The following RGS5 variants were observed in gnomAD, a reference collection of about 807,000 sequenced individuals.
RGS5 encodes regulator of G-protein signalling 5.
A neutral mutation model predicts 18.9 loss-of-function variants in RGS5; 20 were observed. The ratio of observed to expected loss-of-function variants is 1.06; its 90% CI spans 0.74 to 1.54. The LOEUF is 1.54. RGS5 is among the 40% of genes most tolerant of loss of function. The pLI, the probability that RGS5 is intolerant of heterozygous loss-of-function variation, is 0.00. For synonymous variants in RGS5, 57 were observed against 76.2 expected (o/e 0.75, Z 1.31); for missense variants, 201 against 211.8 (o/e 0.95, Z 0.32).
chr1:163,177,849 C>T (rs969006521), intron 1 of RGS5, among the ~76,000 whole-genome samples: 14 of 152,166 alleles, frequency 9.2e-5, no homozygotes, highest in African/African-American at 3.1e-4. Context: ...TGCTTTCTTG[C>T]CTCTGAGGGA....
chr1:163,274,132 G>A (rs1326119408), intron 2 of RGS5, among the ~76,000 whole-genome samples: 1 of 152,114 alleles, frequency 6.6e-6, no homozygotes, highest in Non-Finnish European at 1.5e-5. Context: ...TGAGTGATAG[G>A]AGTGCCTTTG....
At chr1:163,239,155 T>C (rs17358045) in intron 2 of RGS5, 23,431 of 162,356 alleles carry the variant, frequency 0.14, 2,042 homozygotes, top group Non-Finnish European at 0.19. Context: ...GGGGCTCTAT[T>C]ACAACAGCTG....
intron 2 of RGS5, among the ~76,000 whole-genome samples, chr1:163,251,912 G>T (rs1648116581): frequency 6.6e-6 from 1 of 152,042 alleles, no homozygotes; most frequent in Non-Finnish European, 1.5e-5. Context: ...TCATTGAAAG[G>T]CATTTGAGTT....
intron 1 of RGS5, among the ~76,000 whole-genome samples, chr1:163,319,549 G>A (rs1369126492): frequency 6.6e-6 from 1 of 152,188 alleles, no homozygotes; most frequent in African/African-American, 2.4e-5. Flanking sequence ...TGAAGATGGA[G>A]ACTGACAATC....
intron 4 of RGS5, 46 bp downstream of exon 4, chr1:163,152,504 G>C (rs776131728): frequency 7.7e-6 from 12 of 1,551,380 alleles, no homozygotes; most frequent in Non-Finnish European, 1.0e-5. Context: ...TCCTTCCTGA[G>C]AGCTAATGAG....
chr1:163,181,008 C>T (rs1658821352), intron 1 of RGS5, among the ~76,000 whole-genome samples: 1 of 152,000 alleles, frequency 6.6e-6, no homozygotes, highest in Non-Finnish European at 1.5e-5. Context: ...GTTCTTATCC[C>T]TAGCAACCGC....
chr1:163,248,095 C>T (rs1409401372), intron 2 of RGS5, among the ~76,000 whole-genome samples: 1 of 152,194 alleles, frequency 6.6e-6, no homozygotes, highest in Non-Finnish European at 1.5e-5. Context: ...ACCCTTATTA[C>T]CACCCTTAGT....
At chr1:163,258,191 A>G (rs1365404636) in intron 2 of RGS5, among the ~76,000 whole-genome samples, 1 of 152,214 alleles carries the variant, frequency 6.6e-6, no homozygotes, top group Non-Finnish European at 1.5e-5. Flanking sequence ...ATGGTTTTGA[A>G]TGTTATTAGT....
At chr1:163,152,738 G>T in intron 3 of RGS5, 22 bp from the exon 4 acceptor site, 5 of 1,556,242 alleles carry the variant, frequency 3.2e-6, no homozygotes, top group Non-Finnish European at 4.3e-6. Context: ...AAAACAGTCA[G>T]CTGGAGAAAT....
At chr1:163,185,852 A>G (rs1659046858) in intron 1 of RGS5, among the ~76,000 whole-genome samples, 1 of 152,212 alleles carries the variant, frequency 6.6e-6, no homozygotes, top group Non-Finnish European at 1.5e-5. Flanking sequence ...TGACCCCGTG[A>G]CCTCACAGAG....
At chr1:163,256,375 A>T (rs1403860535) in intron 2 of RGS5, among the ~76,000 whole-genome samples, 2 of 152,100 alleles carry the variant, frequency 1.3e-5, no homozygotes, top group Non-Finnish European at 2.9e-5. Flanking sequence ...CTTCAAAGAG[A>T]ATAAAATACC....
chr1:163,159,500 C>G (rs769740678), intron 3 of RGS5, among the ~76,000 whole-genome samples: 20 of 152,288 alleles, frequency 1.3e-4, no homozygotes, highest in Admixed American at 6.5e-4. Flanking sequence ...CTTCCCGCAA[C>G]AGAGGGGAGA....
intron 2 of RGS5, among the ~76,000 whole-genome samples, chr1:163,286,327 G>A (rs1313094882): frequency 6.6e-6 from 1 of 151,990 alleles, no homozygotes; most frequent in Non-Finnish European, 1.5e-5. Context: ...GTATCCTCGG[G>A]GAGTAGGGAG....
chr1:163,282,652 G>A (rs1649024812), intron 2 of RGS5, among the ~76,000 whole-genome samples: 1 of 152,150 alleles, frequency 6.6e-6, no homozygotes, highest in South Asian at 2.1e-4. Context: ...CAAAGCTGCA[G>A]TGAGTTATGA....
At chr1:163,247,525 A>C (rs1416903429) in intron 2 of RGS5, among the ~76,000 whole-genome samples, 1 of 151,850 alleles carries the variant, frequency 6.6e-6, no homozygotes, top group African/African-American at 2.4e-5. Context: ...TAAATCACCT[A>C]TATGTACCAC....
intron 2 of RGS5, among the ~76,000 whole-genome samples, chr1:163,240,232 C>T (rs1317968802): frequency 6.6e-6 from 1 of 150,862 alleles, no homozygotes; most frequent in African/African-American, 2.4e-5. Context: ...GAAAAATAGA[C>T]AAATAAGTAC....
intron 2 of RGS5, among the ~76,000 whole-genome samples, chr1:163,228,082 G>C (rs938359819): frequency 6.6e-6 from 1 of 152,156 alleles, no homozygotes; most frequent in Non-Finnish European, 1.5e-5. Flanking sequence ...GCTATTGGTG[G>C]ATCTACCATT....
At chr1:163,314,571 AC>A (rs1023891131) in intron 1 of RGS5, among the ~76,000 whole-genome samples, 2 of 151,978 alleles carry the variant, frequency 1.3e-5, no homozygotes, top group Admixed American at 1.3e-4. Flanking sequence ...AACAAAAAAA[AC>A]CTACTTATCC....
intron 2 of RGS5, among the ~76,000 whole-genome samples, chr1:163,269,033 A>T (rs1208778264): frequency 1.3e-5 from 2 of 152,146 alleles, no homozygotes; most frequent in Non-Finnish European, 2.9e-5. Flanking sequence ...ATGTAGCATC[A>T]TCTCCTGCAG....
Sources: allele counts gnomAD v4.1 joint callset (sites outside exome capture counted in the v4.1 genomes callset), GRCh38; gene constraint gnomAD v4.1.1; transcripts MANE v1.5; gene names NCBI Gene and HGNC (gene_info 2026-07-23, HGNC 2026-07-21).